ATP6AP1: variants seen among roughly 807,000 people sequenced by gnomAD.
ATP6AP1 encodes ATPase H+ transporting accessory protein 1, also known as V-type proton ATPase subunit S1.
Under a neutral mutation model 32.0 loss-of-function variants are expected in ATP6AP1, and 1 was observed. The observed-to-expected ratio is 0.03, with a 90% CI of 0.01 to 0.15. The LOEUF (loss-of-function observed/expected upper bound fraction) is 0.15, where lower values mean the gene tolerates loss of function less well. ATP6AP1 is among the 10% of genes least tolerant of loss of function. The pLI, the probability that ATP6AP1 is intolerant of heterozygous loss-of-function variation, is 1.00. For missense variants in ATP6AP1, 297 were observed against 398.8 expected, an observed-to-expected ratio of 0.74 and a Z score of 2.17; for synonymous variants, 187 against 174.9, an observed-to-expected ratio of 1.07 and a Z score of -0.55.
chrX:154,433,963 G>C (rs377605162), intron 6 of ATP6AP1, among the ~76,000 whole-genome samples: 3 of 111,845 alleles, frequency 2.7e-5, no homozygotes, highest in Non-Finnish European at 5.7e-5. Context: ...CGTCCTGTGA[G>C]GCTTGTGGGT....
rs1487014783 is a variant in ATP6AP1 at position 154,435,778 on chromosome X, C to G, written c.1300C>G (p.Leu434Val). ...CATCTGGATGGGGCTGCTCACCTCC[C>G]TGTTCATGCTCTTCATCTTCACCTA... ...PGIWMGLLTS[L>V]FMLFIFTYGL... The change falls in exon 10 of 10, where the codon CTG (leucine) becomes GTG (valine). Residue 434 changes from leucine to valine, a missense_variant. Physicochemically the swap from Leu to Val is conservative, Grantham distance 32 (BLOSUM62 1). Around this residue, in one of 2 missense-constraint regions of ATP6AP1, gnomAD observed 155 missense variants for 253.8 expected, o/e 0.61. Coordinates refer to ENST00000369762, the MANE Select transcript of ATP6AP1 (RefSeq NM_001183.6). 8.3e-7 allele frequency: 1 copy of G among 1,210,174 alleles called. No homozygotes were observed. The highest frequency in any genetic ancestry group is 1.1e-6 in the Non-Finnish European group (1 of 895,119).
intron 4 of ATP6AP1, among the ~76,000 whole-genome samples, 164 bp downstream of exon 4, chrX:154,432,623 C>T (rs2068700087): frequency 8.9e-6 from 1 of 112,583 alleles, no homozygotes; most frequent in African/African-American, 3.2e-5. Context: ...AGGGGAGGGC[C>T]TCTTCTGTGA....
Position 154,435,866 on chromosome X carries a change from C to T in ATP6AP1, c.1388C>T (p.Thr463Ile), listed in dbSNP as rs782300974. ...CGCTTTGATGACCACAAGGGCCCCA[C>T]TATTTCTTTGACCCAGATTGTGTGA... Reference protein sequence around the residue: ...MDRFDDHKGPTISLTQIV With the variant: ...MDRFDDHKGPIISLTQIV Residue 463 changes from threonine to isoleucine, a missense_variant, in exon 10 of 10, where the codon ACT becomes ATT. By Grantham distance (89) the Thr-to-Ile change is moderately conservative (BLOSUM62 -1). Around this residue, in one of 2 missense-constraint regions of ATP6AP1, gnomAD observed 155 missense variants for 253.8 expected, o/e 0.61. Coordinates refer to ENST00000369762, the MANE Select transcript of ATP6AP1 (RefSeq NM_001183.6). The T allele has an allele frequency of 1.7e-6, 2 of 1,210,820 alleles. No homozygotes were observed. Among genetic ancestry groups the T allele is most frequent in the South Asian group, 1.8e-5 (1 of 57,020 alleles).
At chrX:154,429,275 C>T (rs2068681800) in intron 2 of ATP6AP1, 101 bp downstream of exon 2, 1 of 1,044,840 alleles carries the variant, frequency 9.6e-7, no homozygotes, top group South Asian at 2.1e-5. Context: ...GCTTCAGTGA[C>T]CTTGTCCCAA....
chrX:154,433,486 G>A (rs2068704461), intron 5 of ATP6AP1, 149 bp from the exon 6 acceptor site: 2 of 568,923 alleles, frequency 3.5e-6, no homozygotes, highest in African/African-American at 2.3e-5. Flanking sequence ...GGGGTGGGAT[G>A]AGAAGTAGCT....
At position 154,435,380 on chromosome X, in the gene ATP6AP1, C is replaced by G. The variant is rs1230368231; in HGVS notation, c.1078C>G (p.Gln360Glu). 5.0e-6 allele frequency: 6 copies of G among 1,210,693 alleles called. No homozygotes were observed. Among genetic ancestry groups the G allele is most frequent in the Non-Finnish European group, 6.7e-6 (6 of 895,306 alleles). The change falls in exon 9 of 10, where the codon CAG becomes GAG. Residue 360 changes from glutamine to glutamate, a missense_variant. Gln to Glu is a conservative substitution (Grantham distance 29). This residue lies in a region of ATP6AP1 where 155 missense variants were observed against 253.8 expected (regional missense o/e 0.61). Transcript: ENST00000369762. ...CTCCGTCGCCTACTTCAATGCTTCC[C>G]AGGTCACAGGGCCCAGCATCTACTC... ...NGSVAYFNASQVTGPSIYSFH... is the reference protein window; with the variant it reads ...NGSVAYFNASEVTGPSIYSFH...
At chrX:154,432,071 T>C (rs1458760083) in intron 3 of ATP6AP1, among the ~76,000 whole-genome samples, 167 bp downstream of exon 3, 1 of 112,029 alleles carries the variant, frequency 8.9e-6, no homozygotes, top group Non-Finnish European at 1.9e-5. Flanking sequence ...CCTCATACTC[T>C]TAGGGAGCAG....
intron 9 of ATP6AP1, 74 bp downstream of exon 9, chrX:154,435,579 G>T: frequency 8.5e-7 from 1 of 1,176,977 alleles, no homozygotes; most frequent in Non-Finnish European, 1.2e-6. Context: ...AGAGGCTTGG[G>T]CTTGGGCATG....
chrX:154,432,358 C>T lies in ATP6AP1; in HGVS notation c.456C>T (p.Leu152=), dbSNP rs782267711. 29 of 1,210,919 alleles carry T rather than the reference C, an allele frequency of 2.4e-5. No homozygotes were observed. Among genetic ancestry groups the T allele is most frequent in the African/African-American group, 5.2e-5 (3 of 57,656 alleles). The change falls in exon 4 of 10, where the codon CTC becomes CTT. Residue 152 remains leucine (L), a synonymous_variant. Transcript: ENST00000369762. ...TGACCACTTACCTGCAGGAGAAGCT[C>T]GGGGCCAGCCCCTTGCATGTGGACC... ...STLTTYLQEK[L]GASPLHVDLA... is the part of the protein sequence containing the mutation.
rs781924823 is a variant in ATP6AP1, at chrX:154,431,887, G to A, written c.346G>A (p.Ala116Thr). ...GGVFGNKQDS[A>T]FSNLENALDL... ...TGTGTTTGGAAACAAGCAGGACAGC[G>A]CCTTTTCTAACCTAGAGGTGAGAGT... is the stretch of plus-strand genomic sequence containing the variant. Residue 116 changes from alanine (A) to threonine (T), a missense_variant, in exon 3 of 10, where the codon GCC (alanine) becomes ACC (threonine). By Grantham distance (58) the Ala-to-Thr change is moderately conservative. Around this residue, in one of 2 missense-constraint regions of ATP6AP1, gnomAD observed 142 missense variants for 145.0 expected, o/e 0.98. Coordinates refer to ENST00000369762, the MANE Select transcript of ATP6AP1 (RefSeq NM_001183.6). 5.8e-6 allele frequency: 7 copies of A among 1,211,621 alleles called. No homozygotes were observed. Among genetic ancestry groups the A allele is most frequent in the East Asian group, 5.9e-5 (2 of 33,854 alleles).
In ATP6AP1 at chrX:154,435,121, C is replaced by T; in HGVS notation, c.924-18C>T. On this transcript the variant is annotated intron_variant, in intron 7 of 9. Transcript: ENST00000369762. ...CCTCCCAGAGCCTCACAGTGCGCCT[C>T]TTTCTCTGGCCCCACAGGCTCTCAC... 1 of 1,206,556 alleles carries T rather than the reference C, an allele frequency of 8.3e-7. No individual in the cohort carries two copies. Among genetic ancestry groups the T allele is most frequent in the Non-Finnish European group, 1.1e-6 (1 of 891,983 alleles).
chrX:154,429,946 C>T (rs1350069464), intron 2 of ATP6AP1: 1 of 111,921 alleles, frequency 8.9e-6, no homozygotes, highest in Non-Finnish European at 1.9e-5. Context: ...GGCCTGAAGT[C>T]TTTTCAGGAG....
intron 5 of ATP6AP1, among the ~76,000 whole-genome samples, 159 bp from the exon 6 acceptor site, chrX:154,433,476 G>T (rs1352709232): frequency 1.8e-5 from 2 of 111,703 alleles, no homozygotes; most frequent in Middle Eastern, 4.6e-3. Context: ...GCTGGGAATG[G>T]GGGTGGGATG....
rs1451042116 is a variant in ATP6AP1, at chrX:154,428,686, T to A, written c.-7T>A. The A allele has an allele frequency of 3.5e-6, 4 of 1,147,084 alleles. No homozygotes were observed. The highest frequency in any genetic ancestry group is 4.6e-6 in the Non-Finnish European group (4 of 867,980). 94.5% of individuals were successfully genotyped at this position (1,147,084 alleles called of 1,213,427 possible). ...TCGAGGCCGCTGAGGCAGTGGAGGC[T>A]GAGGCTATGATGGCGGCCATGGCGA... On this transcript the variant is annotated 5_prime_UTR_variant, in exon 1 of 10. Coordinates refer to ENST00000369762, the MANE Select transcript of ATP6AP1 (RefSeq NM_001183.6).
At chrX:154,434,117 T>C in intron 6 of ATP6AP1, 91 bp from the exon 7 acceptor site, 2 of 883,460 alleles carry the variant, frequency 2.3e-6, no homozygotes, top group Non-Finnish European at 3.3e-6. Context: ...CAGGGTGTCC[T>C]GTTGGGAGGG....
In ATP6AP1 at chrX:154,428,803, G is replaced by GGCGGCA. The variant is rs1569553181; in HGVS notation, c.117_122dup (p.Ala40_Ala41dup). 12 of 1,116,959 alleles carry GGCGGCA rather than the reference G, an allele frequency of 1.1e-5. 1 individual carries two copies. The highest frequency in any genetic ancestry group is 5.5e-4 in the Middle Eastern group (2 of 3,632). 92.0% of individuals were successfully genotyped at this position (1,116,959 alleles called of 1,213,427 possible). On this transcript the variant is annotated inframe_insertion, in exon 1 of 10. Transcript: ENST00000369762. ...TTTTGTCGTTGGCGGCGGCGGCGGC[G>GGCGGCA]GCGGCAGCGGCGGAGCAGCAGGTCC...
chrX:154,431,964 T>C, intron 3 of ATP6AP1, 60 bp downstream of exon 3: 1 of 1,128,019 alleles, frequency 8.9e-7, no homozygotes, highest in Admixed American at 2.2e-5. Context: ...TCTCCCAGCA[T>C]AAGAACTGTA....
rs147496008 is a variant in ATP6AP1 at position 154,429,051 on chromosome X, C to G, written c.165C>G (p.Asp55Glu). The G allele has an allele frequency of 3.2e-4, 385 of 1,210,135 alleles. No individual in the cohort carries two copies. The highest frequency in any genetic ancestry group is 4.1e-4 in the Non-Finnish European group (363 of 895,047). ...CACCTCTTCTGTGCCCTGCCAGGGA[C>G]TTGTGGGCTCCTGCGGCCGACACTC... ...VPLVLWSSDR[D>E]LWAPAADTHE... The change falls in exon 2 of 10, where the codon GAC becomes GAG. Residue 55 changes from aspartate to glutamate, a missense_variant. Physicochemically the swap from Asp to Glu is conservative, Grantham distance 45. Coordinates refer to ENST00000369762, the MANE Select transcript of ATP6AP1 (RefSeq NM_001183.6).
Position 154,430,854 on chromosome X carries a change from C to T in ATP6AP1, c.289-976C>T, listed in dbSNP as rs182598128. 3.6e-5 allele frequency: 4 copies of T among 110,566 alleles called. No homozygotes were observed. The East Asian group carries it at 1.1e-3, about 32-fold the overall frequency. The allele number at this position is 110,566 out of a possible 1,213,427, so 9.1% of individuals were successfully genotyped here. Reference sequence around the variant, plus strand: ...GGGCGAGGTGTGCTCTTGGCCAGCTCAAGGAAGAGCTGGTGTGGCTGGAGC... The same window carrying T: ...GGGCGAGGTGTGCTCTTGGCCAGCTTAAGGAAGAGCTGGTGTGGCTGGAGC... On this transcript the variant is annotated intron_variant, in intron 2 of 9. Transcript: ENST00000369762.
Sources: gnomAD v4.1 joint callset for allele counts (sites outside exome capture counted in the v4.1 genomes callset) on GRCh38, gnomAD v4.1.1 for gene constraint, gnomAD v4.1.1 regional missense constraint, MANE v1.5 for transcripts, NCBI Gene and HGNC (gene_info 2026-07-23, HGNC 2026-07-21) for gene names.